Variants in ARHGAP15 observed in about 807,000 individuals in gnomAD.
ARHGAP15 encodes the protein rho GTPase-activating protein 15.
A neutral mutation model predicts 63.7 loss-of-function variants in ARHGAP15; 51 were observed. The ratio of observed to expected loss-of-function variants is 0.80; its 90% CI spans 0.64 to 1.01. The LOEUF (loss-of-function observed/expected upper bound fraction) is 1.01, where lower values mean the gene tolerates loss of function less well. Ranked by LOEUF, ARHGAP15 falls within the 50% of genes least tolerant of loss-of-function variation. The probability of loss-of-function intolerance (pLI) is 0.00; values close to 1 mark genes in which losing one functional copy is unlikely to be tolerated. For synonymous variants in ARHGAP15, 191 were observed against 193.8 expected, an observed-to-expected ratio of 0.99 and a Z score of 0.12; for missense variants, 560 against 564.6, an observed-to-expected ratio of 0.99 and a Z score of 0.08.
chr2:143,169,303 C>T (rs1690671489), intron 2 of ARHGAP15, among the ~76,000 whole-genome samples: 1 of 151,944 alleles, frequency 6.6e-6, no homozygotes, highest in Non-Finnish European at 1.5e-5. Context: ...GCAAATTCTC[C>T]CTAGTTCAAA....
chr2:143,580,397 A>G (rs1024377452), intron 11 of ARHGAP15, among the ~76,000 whole-genome samples: 1 of 152,142 alleles, frequency 6.6e-6, no homozygotes, highest in Admixed American at 6.6e-5. Flanking sequence ...GCCCACGCCC[A>G]ACACGAATCT....
chr2:143,506,509 T>TTCC (rs1693331490), intron 9 of ARHGAP15, among the ~76,000 whole-genome samples: 1 of 152,198 alleles, frequency 6.6e-6, no homozygotes, highest in South Asian at 2.1e-4. Context: ...CAGTTTTCTA[T>TTCC]TCAAAGTATG....
intron 6 of ARHGAP15, among the ~76,000 whole-genome samples, chr2:143,263,699 G>C (rs533080733): frequency 7.9e-5 from 12 of 152,160 alleles, no homozygotes; most frequent in East Asian, 7.7e-4. Flanking sequence ...CATTTCCCAG[G>C]CTTCTTGTTT....
At chr2:143,462,312 G>C (rs950882798) in intron 8 of ARHGAP15, among the ~76,000 whole-genome samples, 7 of 152,120 alleles carry the variant, frequency 4.6e-5, no homozygotes, top group African/African-American at 1.7e-4. Flanking sequence ...TGTGGTGGAA[G>C]TTTGCCTCTA....
chr2:143,255,068 C>G (rs945242495), intron 6 of ARHGAP15, among the ~76,000 whole-genome samples: 16 of 152,022 alleles, frequency 1.1e-4, no homozygotes, highest in African/African-American at 3.6e-4. Flanking sequence ...CAGACAGTGA[C>G]TGGCCTCAGT....
At chr2:143,423,089 A>G (rs1236812668) in intron 6 of ARHGAP15, among the ~76,000 whole-genome samples, 1 of 152,170 alleles carries the variant, frequency 6.6e-6, no homozygotes, top group Non-Finnish European at 1.5e-5. Context: ...ATCAGGAACC[A>G]GAAAGAGCTG....
chr2:143,758,794 C>G (rs1230578377), intron 13 of ARHGAP15, among the ~76,000 whole-genome samples: 1 of 152,124 alleles, frequency 6.6e-6, no homozygotes, highest in African/African-American at 2.4e-5. Context: ...TGGTTCCCAA[C>G]CAGACCAGCA....
intron 6 of ARHGAP15, among the ~76,000 whole-genome samples, chr2:143,253,527 C>T (rs759546622): frequency 6.6e-6 from 1 of 151,990 alleles, no homozygotes; most frequent in African/African-American, 2.4e-5. Context: ...ACAATGACAA[C>T]ATTAATTATT....
At chr2:143,133,032 T>G (rs1488191694) in intron 1 of ARHGAP15, among the ~76,000 whole-genome samples, 2 of 152,178 alleles carry the variant, frequency 1.3e-5, no homozygotes, top group Non-Finnish European at 2.9e-5. Flanking sequence ...CAGAGAATGC[T>G]CTATTAGAGT....
chr2:143,628,061 TAAGA>T (rs1318061607), intron 12 of ARHGAP15, among the ~76,000 whole-genome samples: 1 of 152,100 alleles, frequency 6.6e-6, no homozygotes, highest in African/African-American at 2.4e-5. Context: ...CTCCCACTTA[TAAGA>T]AAGAACATGG....
chr2:143,499,653 A>T (rs1692968142), intron 9 of ARHGAP15, among the ~76,000 whole-genome samples: 1 of 152,136 alleles, frequency 6.6e-6, no homozygotes, highest in Non-Finnish European at 1.5e-5. Flanking sequence ...AGCATTCCAT[A>T]AGGTGGTAAT....
At chr2:143,559,669 T>G (rs1695945425) in intron 11 of ARHGAP15, among the ~76,000 whole-genome samples, 1 of 152,186 alleles carries the variant, frequency 6.6e-6, no homozygotes, top group South Asian at 2.1e-4. Flanking sequence ...TTCCCCTCCA[T>G]CTGGACCAGG....
chr2:143,307,263 A>G (rs535170147), intron 6 of ARHGAP15, among the ~76,000 whole-genome samples: 2 of 152,248 alleles, frequency 1.3e-5, no homozygotes, highest in South Asian at 4.2e-4. Context: ...GACCATGGTT[A>G]CATCTTCAAA....
chr2:143,329,003 A>G (rs1049106072), intron 6 of ARHGAP15, among the ~76,000 whole-genome samples: 1 of 152,200 alleles, frequency 6.6e-6, no homozygotes, highest in Non-Finnish European at 1.5e-5. Flanking sequence ...TTAAAAAGTG[A>G]CAAAATGAAA....
At chr2:143,752,947 G>A (rs930417912) in intron 13 of ARHGAP15, among the ~76,000 whole-genome samples, 2 of 152,082 alleles carry the variant, frequency 1.3e-5, no homozygotes, top group African/African-American at 4.8e-5. Flanking sequence ...GACCAGCCTG[G>A]GAAACATAGT....
rs1158548217 is a variant in ARHGAP15 at position 143,673,714 on chromosome 2, G to A, written c.1139-29705G>A. ...TTCATAGCACAAATATCTGATAAAG[G>A]CCTTATATTGTGTGTGTGTGTGTGT... On this transcript the variant is annotated intron_variant, in intron 12 of 13. Transcript: ENST00000295095. 1.6e-5 allele frequency among the ~76,000 whole-genome samples: 2 copies of A among 122,492 alleles called. 1 individual carries two copies. The highest frequency in any genetic ancestry group is 7.9e-3 in the Middle Eastern group (2 of 254). The allele number at this position is 122,492 out of a possible 152,430, so 80.4% of individuals were successfully genotyped here. A position where few individuals can be genotyped will look rare whatever the true frequency, so the allele number is the denominator to read the frequency against.
At chr2:143,359,813 A>G (rs1386553718) in intron 6 of ARHGAP15, among the ~76,000 whole-genome samples, 1 of 152,226 alleles carries the variant, frequency 6.6e-6, no homozygotes, top group Non-Finnish European at 1.5e-5. Context: ...ACCCTTGACT[A>G]CAATTATATT....
At chr2:143,226,104 C>T (rs1471009470) in intron 4 of ARHGAP15, among the ~76,000 whole-genome samples, 1 of 152,208 alleles carries the variant, frequency 6.6e-6, no homozygotes, top group East Asian at 1.9e-4. Context: ...TTGAGACCTG[C>T]AGTTCTTACC....
chr2:143,684,405 A>G (rs1248740763), intron 12 of ARHGAP15, among the ~76,000 whole-genome samples: 1 of 152,160 alleles, frequency 6.6e-6, no homozygotes, highest in Non-Finnish European at 1.5e-5. Context: ...AGTTTAACCA[A>G]ATACCCTAGC....
Sources: gnomAD v4.1 joint callset for allele counts (sites outside exome capture counted in the v4.1 genomes callset) on GRCh38, gnomAD v4.1.1 for gene constraint, MANE v1.5 for transcripts, NCBI Gene and HGNC (gene_info 2026-07-23, HGNC 2026-07-21) for gene names.